Variants in DACH1 observed in about 807,000 individuals in gnomAD.
DACH1 encodes dachshund homolog 1.
A neutral mutation model predicts 54.2 loss-of-function variants in DACH1; 12 were observed. The observed-to-expected ratio is 0.22, with a 90% CI of 0.14 to 0.36. The LOEUF (loss-of-function observed/expected upper bound fraction) is 0.36, where lower values mean the gene tolerates loss of function less well. Ranked by LOEUF, DACH1 falls within the 10% of genes least tolerant of loss-of-function variation. The probability of loss-of-function intolerance (pLI) is 1.00; values close to 1 mark genes in which losing one functional copy is unlikely to be tolerated. For missense variants in DACH1, 805 were observed against 929.8 expected (o/e 0.87, Z 1.75); for synonymous variants, 386 against 366.2 (o/e 1.05, Z -0.62).
At position 71,575,658 on chromosome 13, in the gene DACH1, G is replaced by A. The variant is rs140466145; in HGVS notation, c.1127-2646C>T. ...TACCCATTTTCACATCTGTTTTTGC[G>A]TCACAGATATCAGTCCCTTGTGCAC... On this transcript the variant is annotated intron_variant, in intron 3 of 10. Transcript: ENST00000613252. 4.6e-3 allele frequency among the ~76,000 whole-genome samples: 695 copies of A among 151,954 alleles called. 4 individuals carry two copies. Among genetic ancestry groups the A allele is most frequent in the African/African-American group, 0.016 (652 of 41,480 alleles).
chr13:71,780,602 C>T (rs113283474), intron 1 of DACH1, among the ~76,000 whole-genome samples: 281 of 151,266 alleles, frequency 1.9e-3, no homozygotes, highest in African/African-American at 6.2e-3. Flanking sequence ...GCCAAGACTA[C>T]GCCACTGCAT....
At chr13:71,637,173 G>A (rs1877550545) in intron 2 of DACH1, among the ~76,000 whole-genome samples, 1 of 151,970 alleles carries the variant, frequency 6.6e-6, no homozygotes, top group Non-Finnish European at 1.5e-5. Context: ...AACTTATCTG[G>A]GATGGCGCAG....
At chr13:71,687,157 A>AT (rs1566432651) in intron 1 of DACH1, among the ~76,000 whole-genome samples, 1 of 152,084 alleles carries the variant, frequency 6.6e-6, no homozygotes, top group Non-Finnish European at 1.5e-5. Flanking sequence ...TATTCTGCAT[A>AT]TTTTTTTCTA....
intron 10 of DACH1, among the ~76,000 whole-genome samples, chr13:71,465,644 C>A (rs969045873): frequency 6.6e-5 from 10 of 151,896 alleles, no homozygotes; most frequent in Non-Finnish European, 1.3e-4. Context: ...CCAACTGAAC[C>A]ATCATTTTTT....
chr13:71,740,150 G>A (rs1884320210), intron 1 of DACH1, among the ~76,000 whole-genome samples: 1 of 152,106 alleles, frequency 6.6e-6, no homozygotes, highest in South Asian at 2.1e-4. Flanking sequence ...ACAACTGTTG[G>A]ATTTATCCTT....
Position 71,439,850 on chromosome 13 carries a change from T to C in DACH1, c.*805A>G, listed in dbSNP as rs1873849156. 1 of 152,470 alleles carries C rather than the reference T, an allele frequency of 6.6e-6. No homozygotes were observed. The highest frequency in any genetic ancestry group is 1.5e-5 in the Non-Finnish European group (1 of 67,934). 9.4% of individuals were successfully genotyped at this position (152,470 alleles called of 1,614,324 possible). A position where few individuals can be genotyped will look rare whatever the true frequency, so the allele number is the denominator to read the frequency against. On this transcript the variant is annotated 3_prime_UTR_variant, in exon 11 of 11. Coordinates refer to ENST00000613252, the MANE Select transcript of DACH1 (RefSeq NM_080759.6). ...TTGTGTGTTTTATGTTTATATACTG[T>C]ACATATGACCAACAGTTTGAATAAG...
intron 6 of DACH1, among the ~76,000 whole-genome samples, chr13:71,544,908 C>A (rs1883361348): frequency 1.3e-5 from 2 of 151,940 alleles, no homozygotes; most frequent in South Asian, 4.1e-4. Context: ...AACAACCCAG[C>A]AAGCAGATCA....
intron 1 of DACH1, among the ~76,000 whole-genome samples, chr13:71,803,365 G>A (rs543725868): frequency 7.2e-4 from 109 of 152,056 alleles, no homozygotes; most frequent in African/African-American, 2.4e-3. Flanking sequence ...TTTTTGATGC[G>A]TTTAACTAGG....
intron 2 of DACH1, among the ~76,000 whole-genome samples, chr13:71,638,951 T>C (rs188374188): frequency 6.6e-6 from 1 of 152,262 alleles, no homozygotes; most frequent in East Asian, 1.9e-4. Flanking sequence ...CAACAGTCAT[T>C]ACTGTGAAGT....
At chr13:71,597,897 G>A (rs1045837766) in intron 3 of DACH1, among the ~76,000 whole-genome samples, 3 of 152,032 alleles carry the variant, frequency 2.0e-5, no homozygotes, top group Admixed American at 1.3e-4. Context: ...TGGGCATATC[G>A]CTTGAGCCCA....
At chr13:71,724,786 AT>A (rs1258835597) in intron 1 of DACH1, among the ~76,000 whole-genome samples, 2 of 152,098 alleles carry the variant, frequency 1.3e-5, no homozygotes, top group Admixed American at 1.3e-4. Context: ...GTCCATTTGT[AT>A]TTTTTTAAGC....
At chr13:71,608,195 C>T (rs1404002208) in intron 3 of DACH1, among the ~76,000 whole-genome samples, 1 of 151,766 alleles carries the variant, frequency 6.6e-6, no homozygotes, top group African/African-American at 2.4e-5. Flanking sequence ...TTTTTCTGAA[C>T]AGTATGTATA....
intron 1 of DACH1, among the ~76,000 whole-genome samples, chr13:71,692,236 C>G (rs1881520049): frequency 6.6e-6 from 1 of 152,064 alleles, no homozygotes; most frequent in South Asian, 2.1e-4. Flanking sequence ...GAAAGGTTTA[C>G]AAAGCAGGTA....
intron 3 of DACH1, among the ~76,000 whole-genome samples, chr13:71,616,859 T>C (rs1210734528): frequency 6.6e-6 from 1 of 151,686 alleles, no homozygotes; most frequent in East Asian, 1.9e-4. Flanking sequence ...TATTTGTTTC[T>C]AATGCAGTTT....
chr13:71,635,270 T>C (rs893604711), intron 2 of DACH1, among the ~76,000 whole-genome samples: 1 of 152,212 alleles, frequency 6.6e-6, no homozygotes, highest in Admixed American at 6.5e-5. Context: ...CAAAGGTATG[T>C]CTTGCCTAGG....
chr13:71,738,344 C>A (rs1312373488), intron 1 of DACH1, among the ~76,000 whole-genome samples: 1 of 151,882 alleles, frequency 6.6e-6, no homozygotes, highest in Non-Finnish European at 1.5e-5. Context: ...ATAAACAATT[C>A]CATGGTGAAA....
At chr13:71,813,541 G>T (rs1366983695) in intron 1 of DACH1, among the ~76,000 whole-genome samples, 2 of 152,034 alleles carry the variant, frequency 1.3e-5, no homozygotes, top group African/African-American at 4.8e-5. Flanking sequence ...TCTGAGGGAG[G>T]ATGTATTCTC....
chr13:71,520,670 A>T (rs1881533420), intron 6 of DACH1, among the ~76,000 whole-genome samples: 1 of 151,872 alleles, frequency 6.6e-6, no homozygotes, highest in Non-Finnish European at 1.5e-5. Flanking sequence ...TATAAAATCA[A>T]GGAATAGTTC....
intron 3 of DACH1, among the ~76,000 whole-genome samples, chr13:71,594,008 A>G (rs1370471875): frequency 6.6e-6 from 1 of 151,458 alleles, no homozygotes; most frequent in African/African-American, 2.4e-5. Flanking sequence ...ACCATTTTAA[A>G]AACTAGTTAA....
Sources: gnomAD v4.1 joint callset for allele counts (sites outside exome capture counted in the v4.1 genomes callset) on GRCh38, gnomAD v4.1.1 for gene constraint, MANE v1.5 for transcripts, NCBI Gene and HGNC (gene_info 2026-07-23, HGNC 2026-07-21) for gene names.